Variants in GRIN1 observed in about 807,000 individuals in gnomAD.
GRIN1 encodes glutamate ionotropic receptor NMDA type subunit 1.
Under a neutral mutation model 103.0 loss-of-function variants are expected in GRIN1, and 38 were observed. The observed-to-expected ratio is 0.37, with a 90% CI of 0.28 to 0.48. GRIN1 has a LOEUF of 0.48. GRIN1 is among the 20% of genes least tolerant of loss of function. The pLI, the probability that GRIN1 is intolerant of heterozygous loss-of-function variation, is 0.98. For missense variants in GRIN1, 577 were observed against 1,288.9 expected (o/e 0.45, Z 8.46); for synonymous variants, 544 against 532.7 (o/e 1.02, Z -0.29).
rs191352124 is a variant in GRIN1 at position 137,163,745 on chromosome 9, G to A, written c.2444-14G>A. On this transcript the variant is annotated splice_polypyrimidine_tract_variant and intron_variant, in intron 17 of 19. Coordinates refer to ENST00000371561, the MANE Select transcript of GRIN1 (RefSeq NM_007327.4). ...CCCTGGCCAGCAACTGAGGCTCTGG[G>A]TCCCGGCACACAGGGGTCTTCATGC... 2.8e-4 allele frequency: 449 copies of A among 1,613,774 alleles called. No individual in the cohort carries two copies. The highest frequency in any genetic ancestry group is 3.3e-4 in the Non-Finnish European group (392 of 1,180,032).
intron 8 of GRIN1, among the ~76,000 whole-genome samples, chr9:137,160,162 G>C (rs556922326): frequency 1.3e-5 from 2 of 152,336 alleles, no homozygotes; most frequent in East Asian, 3.9e-4. Context: ...GTACACACGG[G>C]CAAGAGAAAG....
intron 4 of GRIN1, among the ~76,000 whole-genome samples, chr9:137,153,954 G>A (rs1199253349): frequency 6.6e-6 from 1 of 152,044 alleles, no homozygotes. Flanking sequence ...AGGAATTACA[G>A]GTGTGTGCCA....
At chr9:137,142,188 C>T in intron 2 of GRIN1, 41 bp downstream of exon 2, 2 of 1,610,686 alleles carry the variant, frequency 1.2e-6, no homozygotes, top group South Asian at 1.1e-5. Flanking sequence ...GCCCTCGGCC[C>T]CAGGGCACAG....
chr9:137,154,121 TC>T, intron 4 of GRIN1, among the ~76,000 whole-genome samples: 1 of 146,620 alleles, frequency 6.8e-6, no homozygotes, highest in Non-Finnish European at 1.5e-5. Context: ...TTTTTTTTTT[TC>T]TTTTTTTTTT....
chr9:137,140,699 G>A (rs1249094393), intron 1 of GRIN1, among the ~76,000 whole-genome samples: 2 of 152,166 alleles, frequency 1.3e-5, no homozygotes, highest in Non-Finnish European at 2.9e-5. Flanking sequence ...GCATGTACAC[G>A]AACAGACATG....
intron 4 of GRIN1, among the ~76,000 whole-genome samples, chr9:137,149,920 G>A (rs1825090106): frequency 6.6e-6 from 1 of 152,184 alleles, no homozygotes; most frequent in Admixed American, 6.5e-5. Context: ...TCAGTCCCAG[G>A]GCAGACCACC....
chr9:137,167,981 C>T lies in GRIN1; in HGVS notation c.*454C>T. 4 of 790,088 alleles carry T rather than the reference C, an allele frequency of 5.1e-6. No homozygotes were observed. In the Admixed American group the frequency reaches 6.1e-5, roughly 12 times the overall value. 48.9% of individuals were successfully genotyped at this position (790,088 alleles called of 1,614,324 possible). On this transcript the variant is annotated 3_prime_UTR_variant, in exon 20 of 20. Coordinates refer to ENST00000371561, the MANE Select transcript of GRIN1 (RefSeq NM_007327.4). ...CCTCCCGTCCGTCCGCCCGCCCACC[C>T]CGCTGCCTGGCGGGCAGCCCCTGCT...
intron 16 of GRIN1, 34 bp downstream of exon 16, chr9:137,163,364 C>T (rs181685783): frequency 5.6e-6 from 9 of 1,610,234 alleles, no homozygotes; most frequent in Non-Finnish European, 4.2e-6. Flanking sequence ...CCTCCTCCGC[C>T]CCTCTCCGCC....
Position 137,145,719 on chromosome 9 carries a change from C to T in GRIN1, c.394-7C>T. On this transcript the variant is annotated splice_polypyrimidine_tract_variant and splice_region_variant and intron_variant, in intron 2 of 19. Coordinates refer to ENST00000371561, the MANE Select transcript of GRIN1 (RefSeq NM_007327.4). Reference sequence around the variant, plus strand: ...ACCTCAGCCCGCCGTGCCCCCGCCTCCCGCAGAGCATCCACCTGAGCTTCC... The same window carrying T: ...ACCTCAGCCCGCCGTGCCCCCGCCTTCCGCAGAGCATCCACCTGAGCTTCC... 6.2e-7 allele frequency: 1 copy of T among 1,612,152 alleles called. No homozygotes were observed. Among genetic ancestry groups the T allele is most frequent in the Non-Finnish European group, 8.5e-7 (1 of 1,179,046 alleles).
rs2131301316 is a variant in GRIN1, at chr9:137,163,251, C to T, written c.2254C>T (p.Leu752=). 6.2e-7 allele frequency: 1 copy of T among 1,613,778 alleles called. No individual in the cohort carries two copies. The highest frequency in any genetic ancestry group is 8.5e-7 in the Non-Finnish European group (1 of 1,179,946). Residue 752 remains leucine, a synonymous_variant, in exon 16 of 20, where the codon CTG becomes TTG. Coordinates refer to ENST00000371561, the MANE Select transcript of GRIN1 (RefSeq NM_007327.4). ...GTGCGACCTGGTGACGACTGGAGAGCTGTTTTTCCGCTCGGGCTTCGGCAT... is the reference window on the plus strand; with the variant it reads ...GTGCGACCTGGTGACGACTGGAGAGTTGTTTTTCCGCTCGGGCTTCGGCAT... ...QKCDLVTTGE[L]FFRSGFGIGM...
At chr9:137,140,194 G>A (rs1334905031) in intron 1 of GRIN1, among the ~76,000 whole-genome samples, 2 of 152,294 alleles carry the variant, frequency 1.3e-5, no homozygotes, top group East Asian at 1.9e-4. Flanking sequence ...CGATGGGTCC[G>A]CCTGGGAAGA....
At position 137,156,966 on chromosome 9, in the gene GRIN1, G is replaced by C; in HGVS notation, c.897G>C (p.Glu299Asp). The C allele has an allele frequency of 1.2e-6, 2 of 1,612,224 alleles. No individual in the cohort carries two copies. Among genetic ancestry groups the C allele is most frequent in the Non-Finnish European group, 1.7e-6 (2 of 1,179,858 alleles). ...CCGTGCACGAGCTCCTCGAGAAGGA[G>C]AACATCACCGACCCGCCGCGGGGCT... ...AQAVHELLEK[E>D]NITDPPRGCV... The change falls in exon 6 of 20, where the codon GAG (glutamate) becomes GAC (aspartate). Residue 299 changes from glutamate (E) to aspartate (D), a missense_variant. Coordinates refer to ENST00000371561, the MANE Select transcript of GRIN1 (RefSeq NM_007327.4).
chr9:137,155,701 G>A (rs541662210), intron 4 of GRIN1, among the ~76,000 whole-genome samples: 1 of 152,308 alleles, frequency 6.6e-6, no homozygotes, highest in Non-Finnish European at 1.5e-5. Flanking sequence ...GGCCTCCAGA[G>A]TCCCACCAGG....
chr9:137,142,171 C>A (rs765057988), intron 2 of GRIN1, 24 bp downstream of exon 2: 1 of 1,613,104 alleles, frequency 6.2e-7, no homozygotes, highest in Non-Finnish European at 8.5e-7. Flanking sequence ...CCAGACCAGG[C>A]CTTCCGGCCC....
chr9:137,167,968 C>T lies in GRIN1; in HGVS notation c.*441C>T. ...TGCCCACCCTGGGCCTCCCGTCCGT[C>T]CGCCCGCCCACCCCGCTGCCTGGCG... On this transcript the variant is annotated 3_prime_UTR_variant, in exon 20 of 20. Transcript: ENST00000371561. The T allele has an allele frequency of 1.2e-6, 1 of 847,274 alleles. No individual in the cohort carries two copies. Among genetic ancestry groups the T allele is most frequent in the South Asian group, 1.4e-5 (1 of 69,688 alleles). 52.5% of individuals were successfully genotyped at this position (847,274 alleles called of 1,614,324 possible). A position where few individuals can be genotyped will look rare whatever the true frequency, so the allele number is the denominator to read the frequency against.
Position 137,163,814 on chromosome 9 carries a change from C to T in GRIN1, c.2499C>T (p.Ile833=), listed in dbSNP as rs146086141. ...TGGCCGGGATCTTCCTGATTTTCAT[C>T]GAGATTGCCTACAAGCGGCACAAGG... ...GIVAGIFLIF[I]EIAYKRHKDA... is the part of the protein sequence containing the mutation. Residue 833 remains isoleucine (I), a synonymous_variant, in exon 18 of 20, where the codon ATC becomes ATT. Transcript: ENST00000371561. 2.9e-5 allele frequency: 46 copies of T among 1,613,490 alleles called. No individual in the cohort carries two copies. The Middle Eastern group carries it at 3.1e-3, about 110-fold the overall frequency.
intron 2 of GRIN1, among the ~76,000 whole-genome samples, chr9:137,143,878 G>A (rs189648110): frequency 6.6e-6 from 1 of 152,244 alleles, no homozygotes. Context: ...CAGACACAGA[G>A]AACTGAGGCA....
intron 1 of GRIN1, among the ~76,000 whole-genome samples, chr9:137,140,781 C>T (rs1003339139): frequency 5.3e-5 from 8 of 152,234 alleles, no homozygotes; most frequent in African/African-American, 1.7e-4. Flanking sequence ...CACGGACCTA[C>T]GGGTCTTTGC....
intron 10 of GRIN1, among the ~76,000 whole-genome samples, 145 bp from the exon 11 acceptor site, chr9:137,161,752 TGGGAGGGGTCTGCGAGCCAGGGCGGGG>T (rs1833564740): frequency 9.2e-6 from 1 of 108,122 alleles, no homozygotes; most frequent in Non-Finnish European, 2.0e-5. Context: ...CCGCCCGGCG[TGGGAGGGGTCTGCGAGCCAGGGCGGGG>T]CTGGAGTGGG....
Sources: gnomAD v4.1 joint callset for allele counts (sites outside exome capture counted in the v4.1 genomes callset) on GRCh38, gnomAD v4.1.1 for gene constraint, MANE v1.5 for transcripts, NCBI Gene and HGNC (gene_info 2026-07-23, HGNC 2026-07-21) for gene names.